Variants in RCC1 observed in about 807,000 individuals in gnomAD.
RCC1 encodes the protein regulator of chromosome condensation.
Under a neutral mutation model 44.4 loss-of-function variants are expected in RCC1, and 11 were observed. That is an observed-to-expected ratio of 0.25 (90% CI 0.16 to 0.41). The LOEUF is 0.41. Ranked by LOEUF, RCC1 falls within the 10% of genes least tolerant of loss-of-function variation. The probability of loss-of-function intolerance (pLI) is 1.00; values close to 1 mark genes in which losing one functional copy is unlikely to be tolerated. For synonymous variants in RCC1, 213 were observed against 216.5 expected (o/e 0.98, Z 0.14); for missense variants, 386 against 547.1 (o/e 0.71, Z 2.94).
In RCC1 at chr1:28,516,834, A is replaced by G. The variant is rs774294222; in HGVS notation, c.-43A>G. The G allele has an allele frequency of 2.2e-4, 100 of 456,696 alleles. 2 individuals are homozygous for G. The highest frequency in any genetic ancestry group is 9.8e-4 in the Middle Eastern group (3 of 3,076). 28.3% of individuals were successfully genotyped at this position (456,696 alleles called of 1,614,324 possible). A position where few individuals can be genotyped will look rare whatever the true frequency, so the allele number is the denominator to read the frequency against. ...TTCACAGTACATCATCCAAAAGAGGAGTCCATGATGGAGGCAGAGGTAAAC... is the reference window on the plus strand; with the variant it reads ...TTCACAGTACATCATCCAAAAGAGGGGTCCATGATGGAGGCAGAGGTAAAC... On this transcript the variant is annotated 5_prime_UTR_variant, in exon 4 of 13. Coordinates refer to ENST00000683442, the MANE Select transcript of RCC1 (RefSeq NM_001381865.2).
Position 28,536,482 on chromosome 1 carries a change from C to G in RCC1, c.937+101C>G, listed in dbSNP as rs375327868. Reference sequence around the variant, plus strand: ...ATGGTCCTTGGAGCCTGGGTCTGTTCCATGGGTTGTACCATACATGGGTCC... The same window carrying G: ...ATGGTCCTTGGAGCCTGGGTCTGTTGCATGGGTTGTACCATACATGGGTCC... On this transcript the variant is annotated intron_variant, in intron 11 of 12. Transcript: ENST00000683442. The surrounding 1 kb of genome is among the most constrained non-coding windows in gnomAD (Gnocchi z 4.9). The G allele has an allele frequency of 2.1e-6, 3 of 1,444,526 alleles. No homozygotes were observed. Among genetic ancestry groups the G allele is most frequent in the Non-Finnish European group, 1.9e-6 (2 of 1,068,572 alleles). The allele number at this position is 1,444,526 out of a possible 1,614,324, so 89.5% of individuals were successfully genotyped here.
At chr1:28,527,302 C>T (rs1663732161) in intron 4 of RCC1, 4 of 572,926 alleles carry the variant, frequency 7.0e-6, no homozygotes, top group Admixed American at 5.1e-5. Flanking sequence ...TACAGTGGCA[C>T]AATCTCAGCT....
At chr1:28,517,885 C>T (rs1372514950) in intron 4 of RCC1, among the ~76,000 whole-genome samples, 2 of 152,138 alleles carry the variant, frequency 1.3e-5, no homozygotes, top group Admixed American at 6.5e-5. Context: ...CCTGTCATAG[C>T]GTTGTGTGGT....
chr1:28,535,918 CG>C lies in RCC1; in HGVS notation c.713del (p.Gly238AlafsTer3). 1 of 1,614,072 alleles carries C rather than the reference CG, an allele frequency of 6.2e-7. No individual in the cohort carries two copies. The highest frequency in any genetic ancestry group is 8.5e-7 in the Non-Finnish European group (1 of 1,179,976). On this transcript the variant is annotated frameshift_variant, in exon 10 of 13. Coordinates refer to ENST00000683442, the MANE Select transcript of RCC1 (RefSeq NM_001381865.2). LOFTEE classifies it high-confidence loss of function. ...KCVMLKSRGS[R>X]GHVRFQDAFC... ...TGTGATGCTGAAATCCAGGGGAAGC[CG>C]GGGCCACGTGAGATTCCAGGATGCC... is the stretch of plus-strand genomic sequence containing the variant.
At chr1:28,534,124 C>T (rs1034436451) in intron 7 of RCC1, among the ~76,000 whole-genome samples, 3 of 151,746 alleles carry the variant, frequency 2.0e-5, no homozygotes, top group African/African-American at 2.4e-5. Flanking sequence ...GTGATCCGCC[C>T]GTCTGGGCCT....
chr1:28,536,071 T>G lies in RCC1; in HGVS notation c.817+45T>G. The stretch of plus-strand genomic sequence containing the variant: ...TCAGGCATGACCCAGTGGCCTGCGT[T>G]CCTGTCCTGGCTCTGCCACTCATTC... On this transcript the variant is annotated intron_variant, in intron 10 of 12. Coordinates refer to ENST00000683442, the MANE Select transcript of RCC1 (RefSeq NM_001381865.2). This position sits in a 1 kb window ranked among gnomAD's most constrained non-coding sequence, Gnocchi z 4.9. 2 of 1,569,748 alleles carry G rather than the reference T, an allele frequency of 1.3e-6. No homozygotes were observed. The highest frequency in any genetic ancestry group is 1.7e-6 in the Non-Finnish European group (2 of 1,156,064).
chr1:28,518,461 G>A (rs1278246105), intron 4 of RCC1, among the ~76,000 whole-genome samples: 2 of 151,098 alleles, frequency 1.3e-5, no homozygotes, highest in East Asian at 3.9e-4. Flanking sequence ...CCCGGAGGCA[G>A]GAAGGCGCGG....
At chr1:28,531,437 A>G (rs1488579804) in intron 5 of RCC1, among the ~76,000 whole-genome samples, 2 of 151,146 alleles carry the variant, frequency 1.3e-5, no homozygotes, top group African/African-American at 4.9e-5. Flanking sequence ...TGGTCTCTTA[A>G]CTCCTGACCT....
At chr1:28,531,318 C>T (rs944881450) in intron 5 of RCC1, among the ~76,000 whole-genome samples, 4 of 136,146 alleles carry the variant, frequency 2.9e-5, no homozygotes, top group South Asian at 2.3e-4. Context: ...AGACTGGAGG[C>T]GGCAGTGGCA....
At position 28,529,898 on chromosome 1, in the gene RCC1, C is replaced by T. The variant is rs1664007505; in HGVS notation, c.32C>T (p.Ser11Phe). 3 of 1,613,314 alleles carry T rather than the reference C, an allele frequency of 1.9e-6. No homozygotes were observed. The highest frequency in any genetic ancestry group is 1.3e-5 in the African/African-American group (1 of 74,826). The change falls in exon 5 of 13, where the codon TCC becomes TTC. Residue 11 changes from serine to phenylalanine, a missense_variant. Physicochemically the swap from Ser to Phe is radical, Grantham distance 155 (BLOSUM62 -2). Coordinates refer to ENST00000683442, the MANE Select transcript of RCC1 (RefSeq NM_001381865.2). ...CCCAAGCGCATAGCTAAAAGAAGGT[C>T]CCCCCCAGCAGATGCCATCCCCAAA... MSPKRIAKRR[S>F]PPADAIPKSK...
chr1:28,535,440 C>T, intron 9 of RCC1, 60 bp downstream of exon 9: 1 of 1,603,872 alleles, frequency 6.2e-7, no homozygotes, highest in African/African-American at 1.3e-5. Context: ...CAGTGAAGGC[C>T]AAAGGCAGGA....
At chr1:28,509,726 G>C (rs550225340) in intron 3 of RCC1, 1 of 152,308 alleles carries the variant, frequency 6.6e-6, no homozygotes, top group African/African-American at 2.4e-5. Context: ...GATAGCTTCA[G>C]TTCTAAAGGC....
intron 3 of RCC1, among the ~76,000 whole-genome samples, chr1:28,516,432 A>G (rs1050937724): frequency 3.3e-5 from 5 of 151,130 alleles, no homozygotes; most frequent in African/African-American, 9.8e-5. Context: ...GAATTGCTTG[A>G]ACCTGGCTGC....
chr1:28,530,823 G>T (rs1432942537), intron 5 of RCC1, among the ~76,000 whole-genome samples: 1 of 152,220 alleles, frequency 6.6e-6, no homozygotes, highest in Non-Finnish European at 1.5e-5. Flanking sequence ...TCCACTGGAT[G>T]GTGGAGGGAA....
intron 4 of RCC1, among the ~76,000 whole-genome samples, chr1:28,523,727 C>CT (rs1262326805): frequency 6.6e-6 from 1 of 152,200 alleles, no homozygotes; most frequent in Non-Finnish European, 1.5e-5. Flanking sequence ...TACAGTCTCC[C>CT]TCCCAGGCAC....
At chr1:28,525,206 C>A (rs1165884580) in intron 4 of RCC1, among the ~76,000 whole-genome samples, 1 of 152,136 alleles carries the variant, frequency 6.6e-6, no homozygotes. Context: ...CTTTTCCATA[C>A]GATGTCTGGA....
Position 28,508,890 on chromosome 1 carries a change from A to G in RCC1, c.-168A>G, listed in dbSNP as rs764761677. On this transcript the variant is annotated 5_prime_UTR_variant, in exon 3 of 13. The change creates a new upstream start codon in the 5' untranslated region. Coordinates refer to ENST00000683442, the MANE Select transcript of RCC1 (RefSeq NM_001381865.2). Reference sequence around the variant, plus strand: ...GACATTTAATTTTAGGGTCCTTTATATAGAAGGGAGAGTAGGTAAACTGAT... The same window carrying G: ...GACATTTAATTTTAGGGTCCTTTATGTAGAAGGGAGAGTAGGTAAACTGAT... 3 of 517,476 alleles carry G rather than the reference A, an allele frequency of 5.8e-6. No homozygotes were observed. The highest frequency in any genetic ancestry group is 4.2e-5 in the South Asian group (3 of 71,284). The allele number at this position is 517,476 out of a possible 1,614,324, so 32.1% of individuals were successfully genotyped here. A position where few individuals can be genotyped will look rare whatever the true frequency, so the allele number is the denominator to read the frequency against.
intron 9 of RCC1, 46 bp downstream of exon 9, chr1:28,535,426 C>A (rs1341423483): frequency 4.4e-6 from 7 of 1,608,768 alleles, no homozygotes; most frequent in Non-Finnish European, 5.1e-6. Context: ...GCAGGCCACC[C>A]CCACAGTGAA....
chr1:28,533,257 G>A (rs762813981), intron 7 of RCC1, among the ~76,000 whole-genome samples: 32 of 150,798 alleles, frequency 2.1e-4, no homozygotes, highest in Admixed American at 1.3e-3. Context: ...AGATCACGAC[G>A]TCAGGAGATC....
Sources: allele counts gnomAD v4.1 joint callset (sites outside exome capture counted in the v4.1 genomes callset), GRCh38; gene constraint gnomAD v4.1.1; non-coding constraint Gnocchi (gnomAD v3.1); transcripts MANE v1.5; gene names NCBI Gene and HGNC (gene_info 2026-07-23, HGNC 2026-07-21).